Variants in KCTD20 observed in about 807,000 individuals in gnomAD.
KCTD20 encodes the protein potassium channel tetramerization domain containing 20.
A neutral mutation model predicts 39.6 loss-of-function variants in KCTD20; 30 were observed. That is an observed-to-expected ratio of 0.76 (90% CI 0.57 to 1.03). KCTD20 has a LOEUF of 1.03. KCTD20 is among the 50% of genes least tolerant of loss of function. KCTD20 has a pLI of 0.00. For missense variants in KCTD20, 422 were observed against 522.0 expected, an observed-to-expected ratio of 0.81 and a Z score of 1.87; for synonymous variants, 162 against 180.6, an observed-to-expected ratio of 0.90 and a Z score of 0.83.
chr6:36,473,499 G>A (rs966453989), intron 2 of KCTD20, among the ~76,000 whole-genome samples: 1 of 152,046 alleles, frequency 6.6e-6, no homozygotes, highest in Non-Finnish European at 1.5e-5. Flanking sequence ...CTGGCCAGGC[G>A]TGGTGGCTCA....
chr6:36,467,492 C>A (rs1213589876), intron 1 of KCTD20, among the ~76,000 whole-genome samples: 1 of 149,788 alleles, frequency 6.7e-6, no homozygotes, highest in Non-Finnish European at 1.5e-5. Context: ...GCGCCCCCAC[C>A]ACGCCCGGGT....
rs143379877 is a variant in KCTD20 at position 36,488,643 on chromosome 6, T to G, written c.*1468T>G. 6.6e-6 allele frequency: 1 copy of G among 152,336 alleles called. No homozygotes were observed. The highest frequency in any genetic ancestry group is 2.1e-4 in the South Asian group (1 of 4,834). The allele number at this position is 152,336 out of a possible 1,614,324, so 9.4% of individuals were successfully genotyped here. The stretch of plus-strand genomic sequence containing the variant: ...AAATCTGAAAGGCTTCTGAACGTCA[T>G]GTCAGCACTCAAAAAAGTGGATTTT... On this transcript the variant is annotated 3_prime_UTR_variant, in exon 8 of 8. Coordinates refer to ENST00000373731, the MANE Select transcript of KCTD20 (RefSeq NM_173562.5).
chr6:36,482,140 T>C (rs925502407), intron 6 of KCTD20, among the ~76,000 whole-genome samples: 3 of 152,250 alleles, frequency 2.0e-5, no homozygotes, highest in Non-Finnish European at 4.4e-5. Context: ...TGCTTCTCAA[T>C]TTCTTTTACA....
At chr6:36,445,261 C>CA (rs34039126) in intron 1 of KCTD20, among the ~76,000 whole-genome samples, 29,818 of 79,390 alleles carry the variant, frequency 0.38, 5,153 homozygotes, top group East Asian at 0.6. Context: ...GACTCCGTCT[C>CA]AAAAAAAAAA....
In KCTD20 at chr6:36,451,727, C is replaced by T. The variant is rs187570405; in HGVS notation, c.-47+8616C>T. On this transcript the variant is annotated intron_variant, in intron 1 of 7. Transcript: ENST00000373731. ...TTTGTCTTGAACTCCTGGGCTCAAG[C>T]GATCCTCCTGCCTTGGCCTCCCAAA... The T allele has an allele frequency of 2.0e-3, 311 of 152,376 alleles. No individual in the cohort carries two copies. In the Middle Eastern group the frequency reaches 0.024, roughly 12 times the overall value. The allele number at this position is 152,376 out of a possible 1,614,324, so 9.4% of individuals were successfully genotyped here. A position where few individuals can be genotyped will look rare whatever the true frequency, so the allele number is the denominator to read the frequency against.
chr6:36,455,180 G>A (rs368355291), intron 1 of KCTD20, among the ~76,000 whole-genome samples: 47 of 151,914 alleles, frequency 3.1e-4, no homozygotes, highest in East Asian at 1.6e-3. Context: ...GGCTGAGGTG[G>A]GCGGATCACC....
At chr6:36,474,713 T>C (rs1776011230) in intron 2 of KCTD20, 76 bp from the exon 3 acceptor site, 2 of 1,362,466 alleles carry the variant, frequency 1.5e-6, no homozygotes, top group African/African-American at 1.5e-5. Context: ...TTACTTGTTT[T>C]AAAGAAGACA....
At chr6:36,445,012 A>T (rs1774995412) in intron 1 of KCTD20, among the ~76,000 whole-genome samples, 1 of 152,186 alleles carries the variant, frequency 6.6e-6, no homozygotes, top group South Asian at 2.1e-4. Flanking sequence ...CTGTAATCCC[A>T]GCAATTTGGG....
Position 36,487,819 on chromosome 6 carries a change from A to G in KCTD20, c.*644A>G, listed in dbSNP as rs575568783. ...CACAGATTCCTTGGCAGGAAGGATA[A>G]TGGAATAACAGTGTTGATGAGACCT... is the stretch of plus-strand genomic sequence containing the variant. On this transcript the variant is annotated 3_prime_UTR_variant, in exon 8 of 8. Transcript: ENST00000373731. 2.6e-5 allele frequency: 4 copies of G among 152,358 alleles called. No individual in the cohort carries two copies. The South Asian group carries it at 8.3e-4, about 32-fold the overall frequency. The allele number at this position is 152,358 out of a possible 1,614,324, so 9.4% of individuals were successfully genotyped here.
intron 1 of KCTD20, among the ~76,000 whole-genome samples, chr6:36,455,948 G>A (rs986293920): frequency 1.3e-5 from 2 of 152,166 alleles, no homozygotes; most frequent in African/African-American, 4.8e-5. Flanking sequence ...TGAATAACGG[G>A]ACTGTAGCCT....
chr6:36,483,600 A>C (rs545330099), intron 6 of KCTD20, among the ~76,000 whole-genome samples: 2 of 151,844 alleles, frequency 1.3e-5, no homozygotes, highest in African/African-American at 4.8e-5. Flanking sequence ...CTGCAGCCTC[A>C]AACTCCTAGT....
chr6:36,454,989 A>G (rs1054445628), intron 1 of KCTD20, among the ~76,000 whole-genome samples: 7 of 152,116 alleles, frequency 4.6e-5, no homozygotes, highest in South Asian at 2.1e-4. Flanking sequence ...CACCCATTCT[A>G]CAGTGTTACT....
intron 1 of KCTD20, among the ~76,000 whole-genome samples, chr6:36,460,219 C>T (rs1055389995): frequency 6.6e-5 from 10 of 152,146 alleles, no homozygotes; most frequent in Non-Finnish European, 1.3e-4. Flanking sequence ...TAAGTTCAAT[C>T]AAAAGAGGAA....
In KCTD20 at chr6:36,467,769, T is replaced by G. The variant is rs143043921; in HGVS notation, c.-46-2283T>G. Among the ~76,000 whole-genome samples the G allele has an allele frequency of 7.0e-4, 107 of 152,278 alleles. 1 individual carries two copies. Among genetic ancestry groups the G allele is most frequent in the African/African-American group, 2.5e-3 (105 of 41,560 alleles). Reference sequence around the variant, plus strand: ...AAAGCATTTGTTTGTTATAAACAACTTAAATATTGATAGGGAGGAGAGTAA... The same window carrying G: ...AAAGCATTTGTTTGTTATAAACAACGTAAATATTGATAGGGAGGAGAGTAA... On this transcript the variant is annotated intron_variant, in intron 1 of 7. Coordinates refer to ENST00000373731, the MANE Select transcript of KCTD20 (RefSeq NM_173562.5).
Position 36,490,543 on chromosome 6 carries a change from G to GA in KCTD20, c.*3379dup, listed in dbSNP as rs59123927. On this transcript the variant is annotated 3_prime_UTR_variant, in exon 8 of 8. Transcript: ENST00000373731. The stretch of plus-strand genomic sequence containing the variant: ...CAGAGCAAGACTCCATCTCAAAAAA[G>GA]AAAAAAAAAAATTAAAGGTTTTGGC... The GA allele has an allele frequency of 2.4e-4, 35 of 146,322 alleles. No homozygotes were observed. Among genetic ancestry groups the GA allele is most frequent in the East Asian group, 4.0e-4 (2 of 4,992 alleles). The allele number at this position is 146,322 out of a possible 1,614,324, so 9.1% of individuals were successfully genotyped here.
intron 1 of KCTD20, among the ~76,000 whole-genome samples, chr6:36,459,851 C>A (rs917958738): frequency 6.6e-6 from 1 of 152,186 alleles, no homozygotes; most frequent in African/African-American, 2.4e-5. Context: ...CTAAAGCCTT[C>A]AACTCTTTTC....
chr6:36,450,265 A>T (rs966080390), intron 1 of KCTD20, among the ~76,000 whole-genome samples: 6 of 150,824 alleles, frequency 4.0e-5, no homozygotes, highest in Non-Finnish European at 7.4e-5. Context: ...AGGCAGGTGG[A>T]TCATCTGAGG....
At position 36,470,122 on chromosome 6, in the gene KCTD20, A is replaced by T; in HGVS notation, c.25A>T (p.Ser9Cys). MNVHRGSD[S>C]DRLLRQEASC... is the part of the protein sequence containing the mutation. ...GATGAATGTTCACCGTGGCAGTGAC[A>T]GTGACAGGTTATTGCGGCAGGAGGC... is the stretch of plus-strand genomic sequence containing the variant. The change falls in exon 2 of 8, where the codon AGT (serine) becomes TGT (cysteine). Residue 9 changes from serine (S) to cysteine (C), a missense_variant. Transcript: ENST00000373731. The T allele has an allele frequency of 1.9e-6, 3 of 1,613,944 alleles. No individual in the cohort carries two copies. The highest frequency in any genetic ancestry group is 2.5e-6 in the Non-Finnish European group (3 of 1,179,856).
At position 36,462,501 on chromosome 6, in the gene KCTD20, C is replaced by CTGG. The variant is rs1400381683; in HGVS notation, c.-46-7551_-46-7550insTGG. Reference sequence around the variant, plus strand: ...TCACTTGAGGAGCGTGTTACAAGTTCAGATTCTCCAGACCCAACTAAAGAC... The same window carrying CTGG: ...TCACTTGAGGAGCGTGTTACAAGTTCTGGAGATTCTCCAGACCCAACTAAAGAC... On this transcript the variant is annotated intron_variant, in intron 1 of 7. Transcript: ENST00000373731. Among the ~76,000 whole-genome samples the CTGG allele has an allele frequency of 4.4e-4, 67 of 152,302 alleles. 1 individual carries two copies. The East Asian group carries it at 0.013, about 28-fold the overall frequency.
Sources: gnomAD v4.1 joint callset for allele counts (sites outside exome capture counted in the v4.1 genomes callset) on GRCh38, gnomAD v4.1.1 for gene constraint, MANE v1.5 for transcripts, NCBI Gene and HGNC (gene_info 2026-07-23, HGNC 2026-07-21) for gene names.